TSPAN12: variants seen among roughly 807,000 people sequenced by gnomAD.
The protein encoded by TSPAN12 is tetraspanin 12, also known as tetraspanin-12.
In TSPAN12, 19 loss-of-function variants were observed where a neutral mutation model predicts 39.2. The ratio of observed to expected loss-of-function variants is 0.49; its 90% confidence interval spans 0.34 to 0.71. TSPAN12 has a LOEUF of 0.71. Among genes scored for constraint, TSPAN12 ranks in the 30% least tolerant of loss-of-function variants. TSPAN12 has a pLI of 0.01. For missense variants in TSPAN12, 314 were observed against 359.9 expected (o/e 0.87, Z 1.03); for synonymous variants, 119 against 124.8 (o/e 0.95, Z 0.31).
At chr7:120,857,066 C>T (rs1480381529) in intron 1 of TSPAN12, 1 of 480,480 alleles carries the variant, frequency 2.1e-6, no homozygotes, top group Non-Finnish European at 3.8e-6. Flanking sequence ...GAGCAACTAT[C>T]CGGATGAATG....
chr7:120,822,423 T>C (rs114231906), intron 4 of TSPAN12, among the ~76,000 whole-genome samples: 4,234 of 151,748 alleles, frequency 0.028, 188 homozygotes, highest in African/African-American at 0.098. Flanking sequence ...AAAACAATAG[T>C]AAAGGGATAT....
chr7:120,840,752 C>T (rs569065853), intron 2 of TSPAN12, among the ~76,000 whole-genome samples: 83 of 152,322 alleles, frequency 5.4e-4, no homozygotes, highest in Non-Finnish European at 1.0e-3. Flanking sequence ...CTTTATCCTA[C>T]TTTTCCTGTA....
At chr7:120,804,088 C>G (rs1793825221) in intron 7 of TSPAN12, among the ~76,000 whole-genome samples, 4 of 151,984 alleles carry the variant, frequency 2.6e-5, no homozygotes, top group Admixed American at 1.3e-4. Context: ...CAAATTATAC[C>G]ATAATGTTGT....
Position 120,856,759 on chromosome 7 carries a change from G to A in TSPAN12, c.5C>T (p.Ala2Val), listed in dbSNP as rs201257686. The change falls in exon 2 of 8, where the codon GCC becomes GTC. Residue 2 changes from alanine (A) to valine (V), a missense_variant. Physicochemically the swap from Ala to Val is moderately conservative, Grantham distance 64. Coordinates refer to ENST00000222747, the MANE Select transcript of TSPAN12 (RefSeq NM_012338.4). M[A>V]REDSVKCLRC... ...CAGACACTTCACGGAATCTTCTCTG[G>A]CCATTGTGAGCCCCGTAAGGGAGAA... is the stretch of plus-strand genomic sequence containing the variant. The A allele has an allele frequency of 2.3e-5, 37 of 1,614,142 alleles. No individual in the cohort carries two copies. The highest frequency in any genetic ancestry group is 2.8e-5 in the Non-Finnish European group (33 of 1,180,016).
In TSPAN12 at chr7:120,788,745, C is replaced by A. The variant is rs41623; in HGVS notation, c.765G>T (p.Pro255=). The A allele has an allele frequency of 0.77, 1,238,104 of 1,613,870 alleles. 478,048 individuals carry two copies. The highest frequency in any genetic ancestry group is 0.97 in the East Asian group (43,394 of 44,866). Residue 255 remains proline (P), a synonymous_variant, in exon 8 of 8, where the codon CCG becomes CCT. Transcript: ENST00000222747. ...TCAAGGACATCATTTGGTCTGTCCC[C>A]GGCTCCCTTCTATCATAATACAGAG... ...LWALYYDRRE[P]GTDQMMSLKN...
chr7:120,823,003 G>A (rs893305508), intron 4 of TSPAN12, among the ~76,000 whole-genome samples: 1 of 152,122 alleles, frequency 6.6e-6, no homozygotes, highest in Non-Finnish European at 1.5e-5. Flanking sequence ...ATCTGGAATT[G>A]TACAGCCATC....
At chr7:120,809,565 C>T (rs993050159) in intron 6 of TSPAN12, among the ~76,000 whole-genome samples, 2 of 152,162 alleles carry the variant, frequency 1.3e-5, no homozygotes, top group Non-Finnish European at 2.9e-5. Context: ...AGAGATCTTG[C>T]TATCTATCAC....
chr7:120,799,784 TATA>T (rs1303386186), intron 7 of TSPAN12, among the ~76,000 whole-genome samples: 1 of 135,674 alleles, frequency 7.4e-6, no homozygotes, highest in Non-Finnish European at 1.5e-5. Context: ...TTAAATTATA[TATA>T]ATAAATATAT....
intron 2 of TSPAN12, among the ~76,000 whole-genome samples, chr7:120,847,075 T>C (rs1794683759): frequency 6.6e-6 from 1 of 152,182 alleles, no homozygotes; most frequent in South Asian, 2.1e-4. Flanking sequence ...TTCACCATCA[T>C]GACAATGAGA....
chr7:120,801,897 A>G (rs1443313000), intron 7 of TSPAN12, among the ~76,000 whole-genome samples: 4 of 152,218 alleles, frequency 2.6e-5, no homozygotes, highest in African/African-American at 9.6e-5. Flanking sequence ...TTCCTGGAAA[A>G]AAAATGGATA....
intron 3 of TSPAN12, 80 bp downstream of exon 3, chr7:120,839,947 A>C (rs929126827): frequency 1.1e-5 from 13 of 1,153,326 alleles, no homozygotes; most frequent in Non-Finnish European, 1.7e-5. Context: ...ATCAAGGAAG[A>C]GCACTACCAT....
intron 4 of TSPAN12, among the ~76,000 whole-genome samples, chr7:120,829,284 T>C (rs1185819162): frequency 6.6e-6 from 1 of 152,062 alleles, no homozygotes; most frequent in African/African-American, 2.4e-5. Context: ...AAAATGTGAG[T>C]TTTTAAAATT....
chr7:120,799,523 ATTAT>A, intron 7 of TSPAN12, among the ~76,000 whole-genome samples: 1 of 109,628 alleles, frequency 9.1e-6, no homozygotes, highest in African/African-American at 3.8e-5. Flanking sequence ...TATATAATTA[ATTAT>A]ATATAATTAT....
intron 2 of TSPAN12, among the ~76,000 whole-genome samples, chr7:120,854,466 T>C (rs1794832789): frequency 1.3e-5 from 2 of 152,202 alleles, no homozygotes; most frequent in South Asian, 4.1e-4. Context: ...CAGCGCTGTA[T>C]ATATGTTAAC....
Position 120,857,900 on chromosome 7 carries a change from T to G in TSPAN12, c.-151A>C, listed in dbSNP as rs1278836842. On this transcript the variant is annotated 5_prime_UTR_variant, in exon 1 of 8. Transcript: ENST00000222747. ...GCGGGGGCTCATCGGGGCAGGGAAC[T>G]TCTTCGCGGAGAGCCGGAGGGCTGC... The G allele has an allele frequency of 1.3e-5, 2 of 152,232 alleles. No individual in the cohort carries two copies. Among genetic ancestry groups the G allele is most frequent in the Non-Finnish European group, 2.9e-5 (2 of 68,172 alleles). The allele number at this position is 152,232 out of a possible 1,614,324, so 9.4% of individuals were successfully genotyped here.
chr7:120,831,818 A>G (rs572759431), intron 4 of TSPAN12, among the ~76,000 whole-genome samples: 2 of 152,056 alleles, frequency 1.3e-5, no homozygotes, highest in Admixed American at 6.6e-5. Flanking sequence ...TAAACTTTAA[A>G]TGTTCTCACC....
intron 4 of TSPAN12, among the ~76,000 whole-genome samples, chr7:120,832,952 T>C (rs1794414561): frequency 6.6e-6 from 1 of 152,146 alleles, no homozygotes; most frequent in African/African-American, 2.4e-5. Context: ...CTAGAAACAA[T>C]GCCAGTAATT....
intron 7 of TSPAN12, among the ~76,000 whole-genome samples, chr7:120,800,939 A>C (rs1212327621): frequency 1.3e-5 from 2 of 151,422 alleles, no homozygotes; most frequent in Non-Finnish European, 2.9e-5. Flanking sequence ...ACACACATGC[A>C]CCACAGCGTC....
intron 4 of TSPAN12, among the ~76,000 whole-genome samples, chr7:120,826,487 T>C (rs1265350122): frequency 1.3e-5 from 2 of 152,172 alleles, no homozygotes; most frequent in African/African-American, 2.4e-5. Flanking sequence ...AGAGGGTATC[T>C]ATACAGATTA....
Sources: gnomAD v4.1 joint callset for allele counts (sites outside exome capture counted in the v4.1 genomes callset) on GRCh38, gnomAD v4.1.1 for gene constraint, MANE v1.5 for transcripts, NCBI Gene and HGNC (gene_info 2026-07-23, HGNC 2026-07-21) for gene names.